Variants in FBXL15 observed in about 807,000 individuals in gnomAD.
FBXL15 encodes the protein F-box and leucine rich repeat protein 15, also known as F-box/LRR-repeat protein 15.
FBXL15 carries 19 observed loss-of-function variants against 23.6 expected under a neutral mutation model. The observed-to-expected ratio is 0.81, with a 90% confidence interval of 0.56 to 1.18. The LOEUF is 1.18. Ranked by LOEUF, FBXL15 falls within the 50% of genes most tolerant of loss-of-function variation. The pLI, the probability that FBXL15 is intolerant of heterozygous loss-of-function variation, is 0.00. For missense variants in FBXL15, 385 were observed against 425.4 expected (o/e 0.91, Z 0.83); for synonymous variants, 224 against 207.7 (o/e 1.08, Z -0.67).
Position 102,422,228 on chromosome 10 carries a change from A to G in FBXL15, c.649A>G (p.Asn217Asp), listed in dbSNP as rs1208525235. The change falls in exon 3 of 4, where the codon AAC becomes GAC. Residue 217 changes from asparagine (N) to aspartate (D), a missense_variant. Transcript: ENST00000369956. The part of the protein sequence containing the change: ...GDAAVQELAR[N>D]CPELHHLDLT... Reference sequence around the variant, plus strand: ...CGCCGCGGTTCAAGAGTTGGCTCGGAACTGCCCAGAACTCCACCACCTTGA... The same window carrying G: ...CGCCGCGGTTCAAGAGTTGGCTCGGGACTGCCCAGAACTCCACCACCTTGA... 1 of 1,512,316 alleles carries G rather than the reference A, an allele frequency of 6.6e-7. No individual in the cohort carries two copies. Among genetic ancestry groups the G allele is most frequent in the Non-Finnish European group, 8.9e-7 (1 of 1,129,712 alleles). 93.7% of individuals were successfully genotyped at this position (1,512,316 alleles called of 1,614,324 possible).
At position 102,421,357 on chromosome 10, in the gene FBXL15, C is replaced by T; in HGVS notation, c.57C>T (p.Phe19=). 1.9e-6 allele frequency: 3 copies of T among 1,555,930 alleles called. No homozygotes were observed. The highest frequency in any genetic ancestry group is 1.2e-5 in the South Asian group (1 of 83,478). ...GCCAACGCCCCTTTACTCGCAGGTT[C>T]CTGGACCTGCCCTGGGAAGACGTGC... ...GGEQEPGAVR[F]LDLPWEDVLL... Residue 19 remains phenylalanine (F), a synonymous_variant, in exon 2 of 4, where the codon TTC becomes TTT. Coordinates refer to ENST00000369956, the MANE Select transcript of FBXL15 (RefSeq NM_024326.4).
At position 102,421,049 on chromosome 10, in the gene FBXL15, CAGGCCA is replaced by C. The variant is rs1242300111; in HGVS notation, c.-77_-72del. The C allele has an allele frequency of 6.4e-7, 1 of 1,555,446 alleles. No homozygotes were observed. The highest frequency in any genetic ancestry group is 1.4e-5 in the African/African-American group (1 of 73,302). ...ACTCGATTAAATAGGTCTGTCTCTACAGGCCAAGGAGGCGGGTTTGGTGCGGCCACT... is the reference window on the plus strand; with the variant it reads ...ACTCGATTAAATAGGTCTGTCTCTACAGGAGGCGGGTTTGGTGCGGCCACT... On this transcript the variant is annotated 5_prime_UTR_variant, in exon 1 of 4. Coordinates refer to ENST00000369956, the MANE Select transcript of FBXL15 (RefSeq NM_024326.4).
In FBXL15 at chr10:102,423,020, G is replaced by A. The variant is rs2061580933; in HGVS notation, c.*27G>A. On this transcript the variant is annotated 3_prime_UTR_variant, in exon 4 of 4. Coordinates refer to ENST00000369956, the MANE Select transcript of FBXL15 (RefSeq NM_024326.4). The surrounding 1 kb of genome is among the most constrained non-coding windows in gnomAD (Gnocchi z 5.6). ...CCGCCTGCCAATCGGAGCACAGCTG[G>A]ACTGTGTGGCTGGGGCCTGACACTG... The A allele has an allele frequency of 2.6e-6, 4 of 1,513,714 alleles. No homozygotes were observed. The highest frequency in any genetic ancestry group is 2.7e-6 in the Non-Finnish European group (3 of 1,125,996). The allele number at this position is 1,513,714 out of a possible 1,614,324, so 93.8% of individuals were successfully genotyped here. A position where few individuals can be genotyped will look rare whatever the true frequency, so the allele number is the denominator to read the frequency against.
chr10:102,421,277 C>A, intron 1 of FBXL15, 77 bp from the exon 2 acceptor site: 1 of 1,565,682 alleles, frequency 6.4e-7, no homozygotes, highest in Non-Finnish European at 8.6e-7. Flanking sequence ...GGAGCTGGGG[C>A]GCAGGAACAT....
In FBXL15 at chr10:102,421,404, G is replaced by C. The variant is rs1358760737; in HGVS notation, c.104G>C (p.Arg35Pro). 6.4e-7 allele frequency: 1 copy of C among 1,570,928 alleles called. No homozygotes were observed. Among genetic ancestry groups the C allele is most frequent in the Non-Finnish European group, 8.6e-7 (1 of 1,159,292 alleles). The change falls in exon 2 of 4, where the codon CGG becomes CCG. Residue 35 changes from arginine (R) to proline (P), a missense_variant. Transcript: ENST00000369956. ...GTGCTGCTCCCACACGTCCTGAACC[G>C]GGTCCCGCTGCGCCAGCTGCTCCGG... ...EDVLLPHVLN[R>P]VPLRQLLRLQ...
chr10:102,421,648 A>T, intron 2 of FBXL15, 139 bp from the exon 3 acceptor site: 1 of 1,429,980 alleles, frequency 7.0e-7, no homozygotes. Context: ...AAGGGCAAAT[A>T]CTCGGTAGCG....
chr10:102,421,407 T>C lies in FBXL15; in HGVS notation c.107T>C (p.Val36Ala). Reference protein sequence around the residue: ...DVLLPHVLNRVPLRQLLRLQR... With the variant: ...DVLLPHVLNRAPLRQLLRLQR... The stretch of plus-strand genomic sequence containing the variant: ...CTGCTCCCACACGTCCTGAACCGGG[T>C]CCCGCTGCGCCAGCTGCTCCGGCTG... Residue 36 changes from valine to alanine, a missense_variant, in exon 2 of 4, where the codon GTC becomes GCC. Val to Ala is a moderately conservative substitution (Grantham distance 64). This residue lies in a region of FBXL15 where 130 missense variants were observed against 95.1 expected (regional missense o/e 1.37). Transcript: ENST00000369956. 6.4e-7 allele frequency: 1 copy of C among 1,570,226 alleles called. No individual in the cohort carries two copies. The highest frequency in any genetic ancestry group is 8.6e-7 in the Non-Finnish European group (1 of 1,159,014).
intron 3 of FBXL15, 141 bp downstream of exon 3, chr10:102,422,433 C>G (rs141296472): frequency 9.1e-7 from 1 of 1,104,318 alleles, no homozygotes; most frequent in African/African-American, 1.6e-5. Context: ...ACAGAAAGGG[C>G]CTCTAGGATT....
Position 102,421,208 on chromosome 10 carries a change from G to A in FBXL15, c.53+26G>A, listed in dbSNP as rs1030953029. 3.7e-6 allele frequency: 6 copies of A among 1,602,404 alleles called. No homozygotes were observed. In the African/African-American group the frequency reaches 6.7e-5, roughly 18 times the overall value. ...GTACCGAGCACCGGAGGGGCCGAGA[G>A]GGAAGAGGAACCTGAGGGAGGGGAG... On this transcript the variant is annotated intron_variant, in intron 1 of 3. Coordinates refer to ENST00000369956, the MANE Select transcript of FBXL15 (RefSeq NM_024326.4).
At position 102,422,310 on chromosome 10, in the gene FBXL15, G is replaced by C; in HGVS notation, c.713+18G>C. ...GGTGTCAGGTGCCTGGGCCTGATAG[G>C]GCGGGAGGAGGGCAGTCACTTAGCC... On this transcript the variant is annotated intron_variant, in intron 3 of 3. Coordinates refer to ENST00000369956, the MANE Select transcript of FBXL15 (RefSeq NM_024326.4). 1 of 1,491,584 alleles carries C rather than the reference G, an allele frequency of 6.7e-7. No individual in the cohort carries two copies. The allele number at this position is 1,491,584 out of a possible 1,614,324, so 92.4% of individuals were successfully genotyped here. A position where few individuals can be genotyped will look rare whatever the true frequency, so the allele number is the denominator to read the frequency against.
At chr10:102,421,306 G>C (rs371777629) in intron 1 of FBXL15, 48 bp from the exon 2 acceptor site, 1 of 1,556,172 alleles carries the variant, frequency 6.4e-7, no homozygotes, top group South Asian at 1.2e-5. Context: ...CGGACTCGCA[G>C]GTAATAGTGG....
chr10:102,421,745 G>A (rs932218715), intron 2 of FBXL15, 42 bp from the exon 3 acceptor site: 1 of 1,522,240 alleles, frequency 6.6e-7, no homozygotes, highest in African/African-American at 1.4e-5. Flanking sequence ...CGGCTGAGGA[G>A]TGCGGGACGG....
intron 3 of FBXL15, among the ~76,000 whole-genome samples, 165 bp from the exon 4 acceptor site, chr10:102,422,639 G>A (rs1425883768): frequency 1.3e-5 from 2 of 152,202 alleles, no homozygotes; most frequent in Non-Finnish European, 2.9e-5. Flanking sequence ...CAATCCAGGC[G>A]CCTCCCTTGT....
Position 102,420,989 on chromosome 10 carries a change from G to A in FBXL15, c.-141G>A. 6.5e-7 allele frequency: 1 copy of A among 1,534,614 alleles called. No individual in the cohort carries two copies. The highest frequency in any genetic ancestry group is 2.5e-5 in the East Asian group (1 of 40,688). ...TCCGCCTCCGTTTCGGGGTCCACCCGAAAAGCTTTCAGATCGGATCCTCGG... is the reference window on the plus strand; with the variant it reads ...TCCGCCTCCGTTTCGGGGTCCACCCAAAAAGCTTTCAGATCGGATCCTCGG... On this transcript the variant is annotated 5_prime_UTR_variant, in exon 1 of 4. Transcript: ENST00000369956.
rs376935734 is a variant in FBXL15 at position 102,421,427 on chromosome 10, C to G, written c.127C>G (p.Arg43Gly). Reference sequence around the variant, plus strand: ...CCGGGTCCCGCTGCGCCAGCTGCTCCGGCTGCAGCGCGTTAGCCGGGCCTT... The same window carrying G: ...CCGGGTCCCGCTGCGCCAGCTGCTCGGGCTGCAGCGCGTTAGCCGGGCCTT... ...LNRVPLRQLLRLQRVSRAFRS... is the reference protein window; with the variant it reads ...LNRVPLRQLLGLQRVSRAFRS... Residue 43 changes from arginine (R) to glycine (G), a missense_variant, in exon 2 of 4, where the codon CGG (arginine) becomes GGG (glycine). This residue lies in a region of FBXL15 where 130 missense variants were observed against 95.1 expected (regional missense o/e 1.37). Coordinates refer to ENST00000369956, the MANE Select transcript of FBXL15 (RefSeq NM_024326.4). 9 of 1,558,168 alleles carry G rather than the reference C, an allele frequency of 5.8e-6. No individual in the cohort carries two copies. The highest frequency in any genetic ancestry group is 6.9e-6 in the Non-Finnish European group (8 of 1,153,980).
chr10:102,421,255 G>T (rs2061557993), intron 1 of FBXL15, 73 bp downstream of exon 1: 3 of 1,577,700 alleles, frequency 1.9e-6, no homozygotes, highest in Non-Finnish European at 1.7e-6. Flanking sequence ...CTGGGTCTGG[G>T]GGCCGCTCTT....
chr10:102,422,815 A>C lies in FBXL15; in HGVS notation c.725A>C (p.Glu242Ala). The C allele has an allele frequency of 6.2e-7, 1 of 1,604,924 alleles. No individual in the cohort carries two copies. Among genetic ancestry groups the C allele is most frequent in the Middle Eastern group, 2.1e-4 (1 of 4,716 alleles). The change falls in exon 4 of 4, where the codon GAG (glutamate) becomes GCG (alanine). Residue 242 changes from glutamate (E) to alanine (A), a missense_variant. Physicochemically the swap from Glu to Ala is moderately radical, Grantham distance 107. Around this residue, in one of 2 missense-constraint regions of FBXL15, gnomAD observed 255 missense variants for 330.2 expected, o/e 0.77. Coordinates refer to ENST00000369956, the MANE Select transcript of FBXL15 (RefSeq NM_024326.4). ...TGCTCCTCCCTCAGGACATTGGCCG[A>C]GTACTGCCCCGTGCTGCGTTCGCTG... ...VGSDGVRTLA[E>A]YCPVLRSLRV... is the part of the protein sequence containing the mutation.
chr10:102,422,821 G>A lies in FBXL15; in HGVS notation c.731G>A (p.Cys244Tyr). 5.6e-6 allele frequency: 9 copies of A among 1,606,110 alleles called. No individual in the cohort carries two copies. The highest frequency in any genetic ancestry group is 6.8e-6 in the Non-Finnish European group (8 of 1,179,696). The change falls in exon 4 of 4, where the codon TGC becomes TAC. Residue 244 changes from cysteine (C) to tyrosine (Y), a missense_variant. By Grantham distance (194) the Cys-to-Tyr change is radical (BLOSUM62 -2). Around this residue, in one of 2 missense-constraint regions of FBXL15, gnomAD observed 255 missense variants for 330.2 expected, o/e 0.77. Transcript: ENST00000369956. ...SDGVRTLAEY[C>Y]PVLRSLRVRH... ...TCCCTCAGGACATTGGCCGAGTACTGCCCCGTGCTGCGTTCGCTGCGGGTG... is the reference window on the plus strand; with the variant it reads ...TCCCTCAGGACATTGGCCGAGTACTACCCCGTGCTGCGTTCGCTGCGGGTG...
chr10:102,421,392 A>G lies in FBXL15; in HGVS notation c.92A>G (p.His31Arg). Residue 31 changes from histidine (H) to arginine (R), a missense_variant, in exon 2 of 4, where the codon CAC (histidine) becomes CGC (arginine). Physicochemically the swap from His to Arg is conservative, Grantham distance 29. Around this residue, in one of 2 missense-constraint regions of FBXL15, gnomAD observed 130 missense variants for 95.1 expected, o/e 1.37. Transcript: ENST00000369956. Reference protein sequence around the residue: ...DLPWEDVLLPHVLNRVPLRQL... With the variant: ...DLPWEDVLLPRVLNRVPLRQL... ...CCCTGGGAAGACGTGCTGCTCCCACACGTCCTGAACCGGGTCCCGCTGCGC... is the reference window on the plus strand; with the variant it reads ...CCCTGGGAAGACGTGCTGCTCCCACGCGTCCTGAACCGGGTCCCGCTGCGC... 2 of 1,572,066 alleles carry G rather than the reference A, an allele frequency of 1.3e-6. No individual in the cohort carries two copies. Among genetic ancestry groups the G allele is most frequent in the Non-Finnish European group, 8.6e-7 (1 of 1,159,252 alleles).
Sources: gnomAD v4.1 joint callset for allele counts (sites outside exome capture counted in the v4.1 genomes callset) on GRCh38, gnomAD v4.1.1 for gene constraint, gnomAD v4.1.1 regional missense constraint, Gnocchi (gnomAD v3.1) non-coding constraint, MANE v1.5 for transcripts, NCBI Gene and HGNC (gene_info 2026-07-23, HGNC 2026-07-21) for gene names.